LRRC7: variants seen among roughly 807,000 people sequenced by gnomAD.
LRRC7 encodes the protein leucine-rich repeat-containing protein 7.
In LRRC7, 23 loss-of-function variants were observed where a neutral mutation model predicts 175.7. The observed-to-expected ratio is 0.13, with a 90% CI of 0.09 to 0.19. The LOEUF is 0.19. LRRC7 is among the 10% of genes least tolerant of loss of function. LRRC7 has a pLI of 1.00. For missense variants in LRRC7, 1,354 were observed against 1,904.7 expected (o/e 0.71, Z 5.38); for synonymous variants, 685 against 680.9 (o/e 1.01, Z -0.09).
chr1:69,919,977 G>A (rs1557888645), intron 7 of LRRC7: 2 of 537,800 alleles, frequency 3.7e-6, no homozygotes, highest in Admixed American at 2.9e-5. Flanking sequence ...CAGACTGGGG[G>A]CCCTTCCAGA....
intron 6 of LRRC7, among the ~76,000 whole-genome samples, chr1:69,837,752 T>A (rs1453631814): frequency 4.6e-5 from 7 of 151,712 alleles, no homozygotes. Flanking sequence ...AAGATATCTT[T>A]AAAATATCTC....
chr1:69,900,841 T>C (rs1646114473), intron 7 of LRRC7, among the ~76,000 whole-genome samples: 1 of 152,204 alleles, frequency 6.6e-6, no homozygotes, highest in East Asian at 1.9e-4. Flanking sequence ...GTATTTAAAA[T>C]GGCTAGCTTT....
chr1:69,629,447 C>T (rs1229807792), intron 1 of LRRC7, among the ~76,000 whole-genome samples: 1 of 151,934 alleles, frequency 6.6e-6, no homozygotes, highest in Non-Finnish European at 1.5e-5. Flanking sequence ...TGCCTTGAAC[C>T]ATGTTATCAG....
intron 22 of LRRC7, among the ~76,000 whole-genome samples, chr1:70,044,829 G>GTTACATTTTAGTGGAAACCAA (rs1553195487): frequency 6.6e-6 from 1 of 152,108 alleles, no homozygotes; most frequent in African/African-American, 2.4e-5. Flanking sequence ...TTCTGTCTTA[G>GTTACATTTTAGTGGAAACCAA]TTACATTTTA....
At chr1:70,037,738 A>G (rs1354222361) in intron 20 of LRRC7, among the ~76,000 whole-genome samples, 3 of 152,196 alleles carry the variant, frequency 2.0e-5, no homozygotes, top group African/African-American at 7.2e-5. Flanking sequence ...TATTTCCTTC[A>G]TTGATTCCTT....
intron 1 of LRRC7, among the ~76,000 whole-genome samples, chr1:69,590,620 C>T (rs1490838907): frequency 6.6e-6 from 1 of 152,114 alleles, no homozygotes; most frequent in African/African-American, 2.4e-5. Context: ...ACTGCAGCAT[C>T]ACATAAAAAT....
chr1:69,670,659 C>A (rs1241963497), intron 1 of LRRC7, among the ~76,000 whole-genome samples: 1 of 152,136 alleles, frequency 6.6e-6, no homozygotes, highest in Non-Finnish European at 1.5e-5. Context: ...GGACTAGAAT[C>A]AAAAACCTTA....
intron 7 of LRRC7, among the ~76,000 whole-genome samples, chr1:69,858,500 C>T (rs945431619): frequency 1.3e-5 from 2 of 151,486 alleles, no homozygotes; most frequent in Non-Finnish European, 3.0e-5. Flanking sequence ...CAGGCTACAC[C>T]AATATTAGCA....
chr1:70,006,542 C>A (rs1057137562), intron 11 of LRRC7, among the ~76,000 whole-genome samples: 6 of 151,948 alleles, frequency 3.9e-5, no homozygotes, highest in Admixed American at 3.3e-4. Flanking sequence ...ACACTCAACA[C>A]AGACTAGTTT....
At chr1:69,807,220 G>A (rs1677225984) in intron 4 of LRRC7, among the ~76,000 whole-genome samples, 1 of 152,144 alleles carries the variant, frequency 6.6e-6, no homozygotes, top group Middle Eastern at 3.4e-3. Context: ...CCTGAATACA[G>A]CACCCTGATG....
At chr1:69,835,103 A>AT (rs1313614641) in intron 6 of LRRC7, among the ~76,000 whole-genome samples, 1 of 151,956 alleles carries the variant, frequency 6.6e-6, no homozygotes. Flanking sequence ...AGAGTTGGAT[A>AT]TAAAAAAAAA....
At chr1:69,608,854 CTCTCTCTCTCTCTATATA>C (rs1379396396) in intron 1 of LRRC7, among the ~76,000 whole-genome samples, 922 of 34,420 alleles carry the variant, frequency 0.027, no homozygotes, top group African/African-American at 0.035. Context: ...CTCTCTCTCT[CTCTCTCTCTCTCTATATA>C]TATATATATA....
At chr1:70,091,424 C>A (rs577137509) in intron 25 of LRRC7, among the ~76,000 whole-genome samples, 68 of 152,170 alleles carry the variant, frequency 4.5e-4, no homozygotes, top group Admixed American at 3.3e-4. Context: ...AAGTCACTAA[C>A]CTTATGATAC....
intron 1 of LRRC7, among the ~76,000 whole-genome samples, chr1:69,632,615 G>T (rs1652696076): frequency 6.6e-6 from 1 of 151,768 alleles, no homozygotes; most frequent in African/African-American, 2.4e-5. Flanking sequence ...ATAGTGTTTT[G>T]CCCCACTGTG....
intron 9 of LRRC7, among the ~76,000 whole-genome samples, chr1:69,984,159 C>T (rs765198556): frequency 8.5e-5 from 13 of 152,054 alleles, no homozygotes; most frequent in Non-Finnish European, 1.9e-4. Context: ...CTCCTGATCT[C>T]GTGATCCGCC....
intron 1 of LRRC7, among the ~76,000 whole-genome samples, chr1:69,655,916 T>C (rs535443485): frequency 6.6e-6 from 1 of 152,188 alleles, no homozygotes; most frequent in Non-Finnish European, 1.5e-5. Flanking sequence ...ATTATCTATT[T>C]GAAAAGCCTG....
chr1:70,049,244 C>G (rs958419736), intron 22 of LRRC7, among the ~76,000 whole-genome samples: 4 of 152,032 alleles, frequency 2.6e-5, no homozygotes, highest in Non-Finnish European at 5.9e-5. Flanking sequence ...GATATTCATC[C>G]TACCAGATTT....
chr1:69,809,171 T>C (rs1388078674), intron 4 of LRRC7, among the ~76,000 whole-genome samples: 1 of 152,108 alleles, frequency 6.6e-6, no homozygotes, highest in Non-Finnish European at 1.5e-5. Flanking sequence ...CTAGAAAATC[T>C]AGAAGAAATG....
chr1:69,916,337 G>T (rs1356944019), intron 7 of LRRC7, among the ~76,000 whole-genome samples: 1 of 141,338 alleles, frequency 7.1e-6, no homozygotes, highest in Non-Finnish European at 1.5e-5. Context: ...TTGCACTTCA[G>T]ATATTCAGAG....
Sources: gnomAD v4.1 joint callset for allele counts (sites outside exome capture counted in the v4.1 genomes callset) on GRCh38, gnomAD v4.1.1 for gene constraint, MANE v1.5 for transcripts, NCBI Gene and HGNC (gene_info 2026-07-23, HGNC 2026-07-21) for gene names.